Variants in CDH26 observed in about 807,000 individuals in gnomAD.
The protein encoded by CDH26 is cadherin 26.
CDH26 carries 83 observed loss-of-function variants against 90.3 expected under a neutral mutation model. The ratio of observed to expected loss-of-function variants is 0.92; its 90% CI spans 0.77 to 1.10. The LOEUF is 1.10. Ranked by LOEUF, CDH26 falls within the 50% of genes least tolerant of loss-of-function variation. CDH26 has a pLI of 0.00. For missense variants in CDH26, 1,013 were observed against 1,037.6 expected, an observed-to-expected ratio of 0.98 and a Z score of 0.33; for synonymous variants, 397 against 396.3, an observed-to-expected ratio of 1.00 and a Z score of -0.02.
At chr20:59,964,236 C>G (rs1231112529) in intron 1 of CDH26, among the ~76,000 whole-genome samples, 1 of 152,212 alleles carries the variant, frequency 6.6e-6, no homozygotes, top group Non-Finnish European at 1.5e-5. Flanking sequence ...TTCATTCATT[C>G]AGAGAATTTT....
chr20:59,995,785 G>C, intron 11 of CDH26, 48 bp from the exon 12 acceptor site: 1 of 1,533,302 alleles, frequency 6.5e-7, no homozygotes, highest in Non-Finnish European at 9.0e-7. Context: ...TTGAGCAGAT[G>C]AGCAGATGAG....
Position 60,013,852 on chromosome 20 carries a change from T to A in CDH26, c.*1122T>A, listed in dbSNP as rs1171734612. On this transcript the variant is annotated 3_prime_UTR_variant, in exon 18 of 18. Transcript: ENST00000348616. ...TCTGGCCTTTTCCTACCTGGTTACC[T>A]CAGTCTTCCTCTGCTTTGGGAAGCT... 1 of 152,160 alleles carries A rather than the reference T, an allele frequency of 6.6e-6. No homozygotes were observed. Among genetic ancestry groups the A allele is most frequent in the Non-Finnish European group, 1.5e-5 (1 of 68,020 alleles). 9.4% of individuals were successfully genotyped at this position (152,160 alleles called of 1,614,324 possible). A position where few individuals can be genotyped will look rare whatever the true frequency, so the allele number is the denominator to read the frequency against.
chr20:59,985,023 TA>T lies in CDH26; in HGVS notation c.733del (p.Ile245SerfsTer93), dbSNP rs1464882926. The T allele has an allele frequency of 1.9e-6, 3 of 1,614,058 alleles. No homozygotes were observed. The African/African-American group carries it at 4.0e-5, about 22-fold the overall frequency. On this transcript the variant is annotated frameshift_variant, in exon 7 of 18. Transcript: ENST00000348616. LOFTEE classifies it high-confidence loss of function. ...DYETAPQFTL[L>X]IRARDCGEPS... ...TAGACCGCTCCTCAGTTTACACTGC[TA>T]ATCAGAGCCAGGGACTGTGGAGAAC...
chr20:60,023,450 C>T (rs2061974029), intron 7 of CDH26, among the ~76,000 whole-genome samples: 1 of 152,128 alleles, frequency 6.6e-6, no homozygotes, highest in Admixed American at 6.5e-5. Context: ...AGCCAGTGAC[C>T]CTTGTTATAC....
intron 7 of CDH26, among the ~76,000 whole-genome samples, chr20:60,022,378 A>C (rs567625267): frequency 1.3e-5 from 2 of 152,332 alleles, no homozygotes; most frequent in East Asian, 3.9e-4. Context: ...GAAGTTAAAT[A>C]TTTATTTTGC....
chr20:60,009,000 G>A (rs2061792347), intron 17 of CDH26, among the ~76,000 whole-genome samples: 1 of 152,224 alleles, frequency 6.6e-6, no homozygotes, highest in Non-Finnish European at 1.5e-5. Context: ...TGAAGGATGA[G>A]CTGCGGGGAA....
rs1377011835 is a variant in CDH26 at position 60,021,254 on chromosome 20, G to A, written c.948-9977G>A. Among the ~76,000 whole-genome samples, 6 of 152,288 alleles carry A rather than the reference G, an allele frequency of 3.9e-5. No homozygotes were observed. The East Asian group carries it at 1.2e-3, about 29-fold the overall frequency. ...GGTGGTTATTAGACCTTCTAGATTT[G>A]CCTTACTACCATGAGTCAAATATAG... is the stretch of plus-strand genomic sequence containing the variant. On this transcript the variant is annotated intron_variant, in intron 7 of 8. Coordinates refer to the CDH26 transcript ENST00000370991.
In CDH26 at chr20:59,985,061, T is replaced by C; in HGVS notation, c.769T>C (p.Ser257Pro). The C allele has an allele frequency of 6.2e-7, 1 of 1,614,094 alleles. No homozygotes were observed. The highest frequency in any genetic ancestry group is 8.5e-7 in the Non-Finnish European group (1 of 1,179,998). Residue 257 changes from serine (S) to proline (P), a missense_variant, in exon 7 of 18, where the codon TCC (serine) becomes CCC (proline). Physicochemically the swap from Ser to Pro is moderately conservative, Grantham distance 74 (BLOSUM62 -1). Transcript: ENST00000348616. ...GGACTGTGGAGAACCGTCACTGTCA[T>C]CCACGACCACCGTTCACGTGGATGT... ...ARDCGEPSLS[S>P]TTTVHVDVQE...
intron 1 of CDH26, among the ~76,000 whole-genome samples, chr20:59,962,760 T>C (rs926758570): frequency 7.2e-5 from 11 of 152,008 alleles, no homozygotes; most frequent in African/African-American, 2.7e-4. Context: ...ACTTTAGCTG[T>C]TTGGGGTGGA....
chr20:59,962,345 C>T (rs1479708070), intron 1 of CDH26, among the ~76,000 whole-genome samples: 2 of 152,174 alleles, frequency 1.3e-5, no homozygotes, highest in African/African-American at 2.4e-5. Flanking sequence ...AGTCTGAAAC[C>T]AAGGCGTCAG....
intron 2 of CDH26, 27 bp downstream of exon 2, chr20:59,969,050 T>C: frequency 2.0e-6 from 3 of 1,491,950 alleles, no homozygotes; most frequent in Non-Finnish European, 2.8e-6. Flanking sequence ...AGTTTCTTAA[T>C]ATATAAAATC....
At chr20:60,032,160 G>A (rs925403383) in intron 8 of CDH26, among the ~76,000 whole-genome samples, 3 of 152,172 alleles carry the variant, frequency 2.0e-5, no homozygotes, top group Admixed American at 6.5e-5. Context: ...TGTATCAGTC[G>A]GAGAAATTAA....
In CDH26 at chr20:59,992,176, A is replaced by G. The variant is rs2061535242; in HGVS notation, c.1284-202A>G. 6.6e-6 allele frequency among the ~76,000 whole-genome samples: 1 copy of G among 152,150 alleles called. No homozygotes were observed. ...TGAATGTCAATTCCACAGACCTAGGAGAGTCTTTAGGCTGTCCTCCCTGTG... is the reference window on the plus strand; with the variant it reads ...TGAATGTCAATTCCACAGACCTAGGGGAGTCTTTAGGCTGTCCTCCCTGTG... On this transcript the variant is annotated intron_variant, in intron 9 of 17. Coordinates refer to ENST00000348616, the MANE Select transcript of CDH26 (RefSeq NM_177980.4). The surrounding 1 kb of genome is among the most constrained non-coding windows in gnomAD (Gnocchi z 5.0).
At chr20:59,999,699 A>G in intron 14 of CDH26, 36 bp downstream of exon 14, 1 of 1,599,764 alleles carries the variant, frequency 6.3e-7, no homozygotes, top group African/African-American at 1.3e-5. Flanking sequence ...GATTTCAGAG[A>G]AGTGACTTTC....
At chr20:60,001,937 C>A (rs1043494414) in intron 15 of CDH26, among the ~76,000 whole-genome samples, 5 of 152,148 alleles carry the variant, frequency 3.3e-5, no homozygotes, top group African/African-American at 1.2e-4. Context: ...GGGGGTCCCC[C>A]AAATATACCA....
chr20:59,993,368 T>C (rs897574192), intron 10 of CDH26, among the ~76,000 whole-genome samples: 2 of 152,182 alleles, frequency 1.3e-5, no homozygotes, highest in African/African-American at 4.8e-5. Context: ...ACTGGTCACC[T>C]GAGTAGAGTA....
Position 59,999,595 on chromosome 20 carries a change from G to T in CDH26, c.2029G>T (p.Asp677Tyr), listed in dbSNP as rs1186428854. 6.2e-7 allele frequency: 1 copy of T among 1,614,044 alleles called. No individual in the cohort carries two copies. Among genetic ancestry groups the T allele is most frequent in the Non-Finnish European group, 8.5e-7 (1 of 1,179,928 alleles). ...SKGTSAQTWS[D>Y]VEGQRPALLI... is the part of the protein sequence containing the mutation. ...TCTCTGTGTTCTACAGACATGGTCA[G>T]ATGTTGAAGGCCAGAGGCCGGCTCT... The change falls in exon 14 of 18, where the codon GAT becomes TAT. Residue 677 changes from aspartate to tyrosine, a missense_variant. Coordinates refer to ENST00000348616, the MANE Select transcript of CDH26 (RefSeq NM_177980.4).
chr20:60,027,050 G>T (rs1015529588), intron 7 of CDH26, among the ~76,000 whole-genome samples: 1 of 152,234 alleles, frequency 6.6e-6, no homozygotes, highest in African/African-American at 2.4e-5. Flanking sequence ...CCAGGACAGC[G>T]TGTATGTGTG....
At chr20:59,974,654 G>C (rs1032388041) in intron 4 of CDH26, among the ~76,000 whole-genome samples, 1 of 152,154 alleles carries the variant, frequency 6.6e-6, no homozygotes, top group Non-Finnish European at 1.5e-5. Flanking sequence ...CCCATGTTCT[G>C]ATCCCCCAAA....
Sources: gnomAD v4.1 joint callset for allele counts (sites outside exome capture counted in the v4.1 genomes callset) on GRCh38, gnomAD v4.1.1 for gene constraint, Gnocchi (gnomAD v3.1) non-coding constraint, MANE v1.5 for transcripts, NCBI Gene and HGNC (gene_info 2026-07-23, HGNC 2026-07-21) for gene names.